Variants in ATG7 observed in about 807,000 individuals in gnomAD.
The protein encoded by ATG7 is autophagy related 7.
Under a neutral mutation model 82.4 loss-of-function variants are expected in ATG7, and 70 were observed. That is an observed-to-expected ratio of 0.85 (90% CI 0.70 to 1.04). The LOEUF (loss-of-function observed/expected upper bound fraction) is 1.04, where lower values mean the gene tolerates loss of function less well. Among genes scored for constraint, ATG7 ranks in the 50% least tolerant of loss-of-function variants. The probability of loss-of-function intolerance (pLI) is 0.00; values close to 1 mark genes in which losing one functional copy is unlikely to be tolerated. For missense variants in ATG7, 792 were observed against 864.3 expected, an observed-to-expected ratio of 0.92 and a Z score of 1.05; for synonymous variants, 287 against 313.0, an observed-to-expected ratio of 0.92 and a Z score of 0.88.
At chr3:11,424,970 T>C (rs557733249) in intron 19 of ATG7, among the ~76,000 whole-genome samples, 34 of 114,908 alleles carry the variant, frequency 3.0e-4, no homozygotes, top group African/African-American at 8.5e-4. Context: ...GGATGCAAAA[T>C]ATCCCTTTTT....
intron 3 of ATG7, among the ~76,000 whole-genome samples, chr3:11,292,316 C>T (rs1159736093): frequency 1.3e-5 from 2 of 150,056 alleles, no homozygotes; most frequent in Non-Finnish European, 3.0e-5. Context: ...TGCAGTGGCA[C>T]GATCTCCATC....
intron 20 of ATG7, among the ~76,000 whole-genome samples, chr3:11,495,917 G>A (rs2090791889): frequency 6.6e-6 from 1 of 152,192 alleles, no homozygotes; most frequent in East Asian, 1.9e-4. Context: ...CGCAGTTCAT[G>A]TGCACCGTAA....
At chr3:11,458,530 C>CGGGATTACA (rs2085980502) in intron 20 of ATG7, among the ~76,000 whole-genome samples, 1 of 152,094 alleles carries the variant, frequency 6.6e-6, no homozygotes, top group Non-Finnish European at 1.5e-5. Flanking sequence ...CCCAAAGTGC[C>CGGGATTACA]GGGATTACAG....
At chr3:11,448,743 T>C (rs2084815834) in intron 20 of ATG7, among the ~76,000 whole-genome samples, 1 of 152,138 alleles carries the variant, frequency 6.6e-6, no homozygotes, top group Admixed American at 6.5e-5. Context: ...GCTATGAATT[T>C]CTTGAGGCAA....
At chr3:11,562,531 C>CGTCA (rs1221262777), downstream of ATG7, among the ~76,000 whole-genome samples, 4 of 152,258 alleles carry the variant, frequency 2.6e-5, no homozygotes, top group Admixed American at 6.5e-5. Flanking sequence ...TGCAGGATGA[C>CGTCA]ACCCAACAGA....
At chr3:11,502,027 TATACACAC>T (rs2091365344) in intron 20 of ATG7, among the ~76,000 whole-genome samples, 1 of 44,186 alleles carries the variant, frequency 2.3e-5, no homozygotes, top group African/African-American at 8.8e-5. Context: ...AGTAAACATA[TATACACAC>T]ATACACACAT....
rs1363452868 is a variant in ATG7, at chr3:11,379,972, A to G, written c.1876A>G (p.Ile626Val). 2.5e-6 allele frequency: 4 copies of G among 1,613,806 alleles called. No individual in the cohort carries two copies. The Admixed American group carries it at 6.7e-5, about 27-fold the overall frequency. ...ATTGTTTTGTTTTGTTTGTTTTTAG[A>G]TCCGGGGATTTCTTTCACGGTTTGA... is the stretch of plus-strand genomic sequence containing the variant. ...PTSLGLVPHQIRGFLSRFDNV... is the reference protein window; with the variant it reads ...PTSLGLVPHQVRGFLSRFDNV... The change falls in exon 19 of 21, where the codon ATC becomes GTC. Residue 626 changes from isoleucine to valine, a missense_variant and splice_region_variant. Coordinates refer to ENST00000693202, the MANE Select transcript of ATG7 (RefSeq NM_001349232.2).
intron 19 of ATG7, among the ~76,000 whole-genome samples, chr3:11,417,800 A>ATTATTTTTTTTTTTT (rs1553652380): frequency 6.4e-5 from 7 of 109,366 alleles, no homozygotes; most frequent in Admixed American, 3.2e-4. Flanking sequence ...TATTATTATT[A>ATTATTTTTTTTTTTT]TTTTATTTTA....
chr3:11,380,448 A>G (rs1167066950), intron 19 of ATG7, among the ~76,000 whole-genome samples: 1 of 152,184 alleles, frequency 6.6e-6, no homozygotes, highest in African/African-American at 2.4e-5. Flanking sequence ...CTGCAGATCC[A>G]CATAATTACA....
At chr3:11,330,612 C>T (rs1254266904) in intron 9 of ATG7, among the ~76,000 whole-genome samples, 7 of 152,080 alleles carry the variant, frequency 4.6e-5, no homozygotes, top group Non-Finnish European at 8.8e-5. Context: ...CAAGGAGCCC[C>T]GATTTATTTT....
At chr3:11,485,783 A>G (rs2089556367) in intron 20 of ATG7, among the ~76,000 whole-genome samples, 1 of 152,140 alleles carries the variant, frequency 6.6e-6, no homozygotes, top group Non-Finnish European at 1.5e-5. Context: ...TCCCAGCACC[A>G]TTTATTAAAT....
rs574675812 is a variant in ATG7 at position 11,510,397 on chromosome 3, AT to A, written c.2080-44413del. The A allele has an allele frequency of 1.6e-3, 653 of 398,564 alleles. 2 individuals carry two copies. Among genetic ancestry groups the A allele is most frequent in the African/African-American group, 0.013 (606 of 47,212 alleles). The allele number at this position is 398,564 out of a possible 1,614,324, so 24.7% of individuals were successfully genotyped here. The stretch of plus-strand genomic sequence containing the variant: ...TGCCCCAGTTTAAAAAAAAAAAAAA[AT>A]CTGAGTTACTGCTACTGAACCAAAG... On this transcript the variant is annotated intron_variant, in intron 20 of 20. Coordinates refer to ENST00000693202, the MANE Select transcript of ATG7 (RefSeq NM_001349232.2).
chr3:11,497,357 C>CTATATATATATATATA lies in ATG7; in HGVS notation c.2080-57434_2080-57419dup, dbSNP rs58838386. 5.5e-3 allele frequency among the ~76,000 whole-genome samples: 315 copies of CTATATATATATATATA among 57,286 alleles called. 6 individuals are homozygous for CTATATATATATATATA. The highest frequency in any genetic ancestry group is 6.9e-3 in the Non-Finnish European group (221 of 32,234). The allele number at this position is 57,286 out of a possible 152,430, so 37.6% of individuals were successfully genotyped here. On this transcript the variant is annotated intron_variant, in intron 20 of 20. Coordinates refer to ENST00000693202, the MANE Select transcript of ATG7 (RefSeq NM_001349232.2). ...TGAAACCCCGTCTGTACTAAAAATA[C>CTATATATATATATATA]TATATATATATATATATATATATAT...
intron 19 of ATG7, among the ~76,000 whole-genome samples, chr3:11,395,371 G>A (rs1161601560): frequency 1.3e-5 from 2 of 152,138 alleles, no homozygotes; most frequent in African/African-American, 4.8e-5. Context: ...TGAAAAACCT[G>A]AAGCCTCAAA....
the ATG7 span, among the ~76,000 whole-genome samples, chr3:11,568,322 A>G: frequency 6.6e-6 from 1 of 152,192 alleles, no homozygotes; most frequent in Admixed American, 6.5e-5. This position sits in a 1 kb window ranked among gnomAD's most constrained non-coding sequence, Gnocchi z 5.9. Flanking sequence ...CTATGAGACC[A>G]CATCACAGAG....
intron 5 of ATG7, chr3:11,304,641 C>T (rs1947417483): frequency 6.6e-6 from 1 of 152,254 alleles, no homozygotes; most frequent in African/African-American, 2.4e-5. Context: ...TGGTGCAACA[C>T]AGCCCCAGCA....
intron 17 of ATG7, 38 bp downstream of exon 17, chr3:11,362,966 C>G: frequency 6.4e-7 from 1 of 1,562,424 alleles, no homozygotes; most frequent in Non-Finnish European, 8.8e-7. Context: ...TTAAACAAAG[C>G]TTTTGTAGGC....
intron 18 of ATG7, among the ~76,000 whole-genome samples, chr3:11,371,408 C>A (rs7624357): frequency 6.6e-6 from 1 of 150,426 alleles, no homozygotes; most frequent in Non-Finnish European, 1.5e-5. Flanking sequence ...ATTGGAAATG[C>A]CTGGACCTTC....
At chr3:11,563,388 AC>A in the ATG7 span, among the ~76,000 whole-genome samples, 1 of 152,086 alleles carries the variant, frequency 6.6e-6, no homozygotes, top group African/African-American at 2.4e-5. Context: ...TCCACTGCCC[AC>A]CCCGGGGAGC....
Sources: gnomAD v4.1 joint callset for allele counts (sites outside exome capture counted in the v4.1 genomes callset) on GRCh38, gnomAD v4.1.1 for gene constraint, Gnocchi (gnomAD v3.1) non-coding constraint, MANE v1.5 for transcripts, NCBI Gene and HGNC (gene_info 2026-07-23, HGNC 2026-07-21) for gene names.